The following DMXL2 variants were observed in gnomAD, a reference collection of about 807,000 sequenced individuals.
DMXL2 encodes dmX-like protein 2.
A neutral mutation model predicts 331.1 loss-of-function variants in DMXL2; 103 were observed. The ratio of observed to expected loss-of-function variants is 0.31; its 90% CI spans 0.27 to 0.37. The LOEUF (loss-of-function observed/expected upper bound fraction) is 0.37, where lower values mean the gene tolerates loss of function less well. DMXL2 is among the 10% of genes least tolerant of loss of function. DMXL2 has a pLI of 1.00. For synonymous variants in DMXL2, 1,281 were observed against 1,252.1 expected, an observed-to-expected ratio of 1.02 and a Z score of -0.49; for missense variants, 3,171 against 3,642.9, an observed-to-expected ratio of 0.87 and a Z score of 3.33.
At chr15:51,495,901 A>G (rs887463716) in intron 18 of DMXL2, among the ~76,000 whole-genome samples, 1 of 152,178 alleles carries the variant, frequency 6.6e-6, no homozygotes, top group South Asian at 2.1e-4. Context: ...TCTGCTTCCC[A>G]TTACCTATAT....
At chr15:51,566,166 C>T in intron 3 of DMXL2, among the ~76,000 whole-genome samples, 1 of 151,808 alleles carries the variant, frequency 6.6e-6, no homozygotes, top group Non-Finnish European at 1.5e-5. Context: ...CTATGATGAT[C>T]ACACCACTGT....
chr15:51,570,156 T>C (rs958595153), intron 2 of DMXL2, among the ~76,000 whole-genome samples: 1 of 151,834 alleles, frequency 6.6e-6, no homozygotes, highest in Non-Finnish European at 1.5e-5. Flanking sequence ...ACACAAGTTA[T>C]CAATAGCCGA....
At chr15:51,485,757 TA>T (rs2042348191) in intron 23 of DMXL2, among the ~76,000 whole-genome samples, 1 of 152,098 alleles carries the variant, frequency 6.6e-6, no homozygotes, top group African/African-American at 2.4e-5. Flanking sequence ...CACAGAGGCA[TA>T]AAGTTTTTCC....
intron 1 of DMXL2, among the ~76,000 whole-genome samples, chr15:51,601,897 C>T (rs2053251374): frequency 6.6e-6 from 1 of 152,144 alleles, no homozygotes; most frequent in Non-Finnish European, 1.5e-5. Context: ...TCCTTTAAGT[C>T]TCTCAATAAA....
chr15:51,613,118 T>C (rs1840840184), intron 1 of DMXL2, among the ~76,000 whole-genome samples: 2 of 152,222 alleles, frequency 1.3e-5, no homozygotes, highest in South Asian at 4.1e-4. Flanking sequence ...CCAGATTTCA[T>C]ATTGTTTAAA....
chr15:51,452,535 C>G (rs1419741748), intron 41 of DMXL2, among the ~76,000 whole-genome samples: 3 of 152,116 alleles, frequency 2.0e-5, no homozygotes, highest in African/African-American at 7.2e-5. Context: ...AATTAAAACT[C>G]CAATACGATA....
Position 51,542,363 on chromosome 15 carries a change from G to A in DMXL2, c.1075C>T (p.His359Tyr). The change falls in exon 9 of 44, where the codon CAT becomes TAT. Residue 359 changes from histidine (H) to tyrosine (Y), a missense_variant. Transcript: ENST00000560891. ...GCAGGGTTGATGCTTGCTGCAATAT[G>A]AAAATGACAGAGTGCATTTGCATGG... The part of the protein sequence containing the change: ...SHHANALCHF[H>Y]IAASINPATD... The A allele has an allele frequency of 6.2e-7, 1 of 1,613,516 alleles. No homozygotes were observed. The highest frequency in any genetic ancestry group is 8.5e-7 in the Non-Finnish European group (1 of 1,179,648).
chr15:51,477,324 C>A (rs1473687855), intron 26 of DMXL2, among the ~76,000 whole-genome samples: 2 of 152,002 alleles, frequency 1.3e-5, no homozygotes, highest in East Asian at 3.8e-4. Flanking sequence ...AGCCGACCAA[C>A]TGGAAAATAT....
At chr15:51,555,358 G>C (rs970920888) in intron 6 of DMXL2, among the ~76,000 whole-genome samples, 3 of 152,262 alleles carry the variant, frequency 2.0e-5, no homozygotes, top group Admixed American at 1.3e-4. Context: ...AGCCATCAGG[G>C]AGTAGATTGA....
At chr15:51,470,112 C>T (rs2040959645) in intron 29 of DMXL2, among the ~76,000 whole-genome samples, 1 of 152,104 alleles carries the variant, frequency 6.6e-6, no homozygotes, top group African/African-American at 2.4e-5. Context: ...GTTCTGAGAC[C>T]ACACTTTGAG....
At chr15:51,556,225 C>T (rs532579487) in intron 6 of DMXL2, among the ~76,000 whole-genome samples, 12 of 151,972 alleles carry the variant, frequency 7.9e-5, no homozygotes, top group African/African-American at 2.9e-4. Context: ...CGCCTGTAGT[C>T]CCAGCTACTT....
In DMXL2 at chr15:51,511,426, A is replaced by G. The variant is rs180755131; in HGVS notation, c.2644+3016T>C. ...AAAGAACACATTTATGTGGCCAACA[A>G]ACATATGAAAAAATGCTCATCATCA... On this transcript the variant is annotated intron_variant, in intron 15 of 43. Transcript: ENST00000560891. Among the ~76,000 whole-genome samples, 27 of 152,352 alleles carry G rather than the reference A, an allele frequency of 1.8e-4. No individual in the cohort carries two copies. In the East Asian group the frequency reaches 5.2e-3, roughly 29 times the overall value.
chr15:51,550,899 T>TA (rs1433416416), intron 6 of DMXL2, among the ~76,000 whole-genome samples: 2 of 152,058 alleles, frequency 1.3e-5, no homozygotes, highest in African/African-American at 2.4e-5. Context: ...ACCACATTTA[T>TA]AAAAAATAGA....
Position 51,481,431 on chromosome 15 carries a change from T to C in DMXL2, c.5675A>G (p.His1892Arg), listed in dbSNP as rs937679043. 34 of 1,611,202 alleles carry C rather than the reference T, an allele frequency of 2.1e-5. No individual in the cohort carries two copies. The highest frequency in any genetic ancestry group is 2.7e-5 in the Non-Finnish European group (32 of 1,178,808). The change falls in exon 24 of 44, where the codon CAT (histidine) becomes CGT (arginine). Residue 1892 changes from histidine (H) to arginine (R), a missense_variant. By Grantham distance (29) the His-to-Arg change is conservative. Around this residue, in one of 7 missense-constraint regions of DMXL2, gnomAD observed 244 missense variants for 251.4 expected, o/e 0.97. Transcript: ENST00000560891. ...RKLFFTTANA[H>R]FKVGCPVLAL... ...TAAAACAGGGCATCCAACTTTAAAA[T>C]GAGCATTTGCAGTGGTAAAGAATAA... is the stretch of plus-strand genomic sequence containing the variant.
intron 28 of DMXL2, among the ~76,000 whole-genome samples, chr15:51,473,810 T>A (rs1034692434): frequency 6.6e-6 from 1 of 152,150 alleles, no homozygotes; most frequent in Non-Finnish European, 1.5e-5. Context: ...AATAATACTA[T>A]CACATTGAAG....
At chr15:51,583,212 G>A (rs926113673) in intron 1 of DMXL2, among the ~76,000 whole-genome samples, 1 of 104,724 alleles carries the variant, frequency 9.5e-6, no homozygotes, top group African/African-American at 3.8e-5. Flanking sequence ...TGCCATGCTG[G>A]TGCGCTGCAC....
intron 43 of DMXL2, among the ~76,000 whole-genome samples, chr15:51,449,787 C>T (rs1453093336): frequency 6.6e-6 from 1 of 152,140 alleles, no homozygotes; most frequent in Non-Finnish European, 1.5e-5. Context: ...TCACCTCCAC[C>T]ACACACAAGA....
chr15:51,545,577 T>C lies in DMXL2; in HGVS notation c.930+6A>G, dbSNP rs915426200. The stretch of plus-strand genomic sequence containing the variant: ...AATTCATTTACCATTTTAAATAATA[T>C]AATACCTCAAGAGCATGCTGTATTC... On this transcript the variant is annotated splice_donor_region_variant and intron_variant, in intron 8 of 43. Coordinates refer to ENST00000560891, the MANE Select transcript of DMXL2 (RefSeq NM_001378457.1). 1.2e-6 allele frequency: 2 copies of C among 1,607,140 alleles called. No homozygotes were observed. The highest frequency in any genetic ancestry group is 2.7e-5 in the African/African-American group (2 of 74,490).
At chr15:51,590,172 C>T (rs882385) in intron 1 of DMXL2, among the ~76,000 whole-genome samples, 72,592 of 152,024 alleles carry the variant, frequency 0.48, 17,704 homozygotes, top group Non-Finnish European at 0.52. Flanking sequence ...GGCTAGCCAG[C>T]AAGCTATGAT....
Sources: allele counts gnomAD v4.1 joint callset (sites outside exome capture counted in the v4.1 genomes callset), GRCh38; gene constraint gnomAD v4.1.1; regional missense constraint gnomAD v4.1.1; transcripts MANE v1.5; gene names NCBI Gene and HGNC (gene_info 2026-07-23, HGNC 2026-07-21).